The following HSPG2 variants were observed in gnomAD, a reference collection of about 807,000 sequenced individuals.
The protein encoded by HSPG2 is heparan sulfate proteoglycan 2.
A neutral mutation model predicts 526.6 loss-of-function variants in HSPG2; 278 were observed. The ratio of observed to expected loss-of-function variants is 0.53; its 90% confidence interval spans 0.48 to 0.58. The LOEUF (loss-of-function observed/expected upper bound fraction) is 0.58, where lower values mean the gene tolerates loss of function less well. HSPG2 is among the 20% of genes least tolerant of loss of function. The pLI, the probability that HSPG2 is intolerant of heterozygous loss-of-function variation, is 0.00. For synonymous variants in HSPG2, 2,465 were observed against 2,555.4 expected (o/e 0.96, Z 1.07); for missense variants, 5,354 against 6,099.5 (o/e 0.88, Z 4.07).
chr1:21,839,115 G>C lies in HSPG2; in HGVS notation c.9890-30C>G, dbSNP rs150315697. The C allele has an allele frequency of 4.9e-4, 770 of 1,561,316 alleles. 4 individuals are homozygous for C. The African/African-American group carries it at 8.9e-3, about 18-fold the overall frequency. On this transcript the variant is annotated intron_variant, in intron 73 of 96. Transcript: ENST00000374695. This position sits in a 1 kb window ranked among gnomAD's most constrained non-coding sequence, Gnocchi z 4.5. ...GTGGGGGGACACAGAGGTCAGGATTGGGGAGGGCAAAGGTCAGAATGGCAG... is the reference window on the plus strand; with the variant it reads ...GTGGGGGGACACAGAGGTCAGGATTCGGGAGGGCAAAGGTCAGAATGGCAG...
chr1:21,868,871 C>T (rs1640437814), intron 33 of HSPG2: 1 of 936,616 alleles, frequency 1.1e-6, no homozygotes, highest in Non-Finnish European at 1.3e-6. Flanking sequence ...ATAATCCCCC[C>T]AAATCCTTGT....
intron 33 of HSPG2, chr1:21,869,719 C>T (rs959608804): frequency 4.0e-5 from 39 of 985,962 alleles, no homozygotes; most frequent in African/African-American, 8.7e-5. Context: ...ACAGAAAGGA[C>T]GTCCGTGAGG....
chr1:21,830,279 A>T (rs937746615), intron 85 of HSPG2, 188 bp from the exon 86 acceptor site: 5 of 612,598 alleles, frequency 8.2e-6, no homozygotes, highest in Admixed American at 2.7e-5. Context: ...CACAGGGAGG[A>T]CTGCAGGGGA....
In HSPG2 at chr1:21,885,214, G is replaced by T. The variant is rs1181864103; in HGVS notation, c.1211-57C>A. Reference sequence around the variant, plus strand: ...GGGGCAAAGGAAGGAGGAGCGGAAGGAGGGCTCCGAGGGGCTAGGAGGGAG... The same window carrying T: ...GGGGCAAAGGAAGGAGGAGCGGAAGTAGGGCTCCGAGGGGCTAGGAGGGAG... On this transcript the variant is annotated intron_variant, in intron 10 of 96. Transcript: ENST00000374695. The T allele has an allele frequency of 1.9e-6, 3 of 1,597,940 alleles. No individual in the cohort carries two copies. The East Asian group carries it at 6.7e-5, about 36-fold the overall frequency.
At position 21,878,482 on chromosome 1, in the gene HSPG2, G is replaced by T; in HGVS notation, c.2568C>A (p.Pro856=). The T allele has an allele frequency of 6.2e-7, 1 of 1,611,802 alleles. No homozygotes were observed. Among genetic ancestry groups the T allele is most frequent in the Non-Finnish European group, 8.5e-7 (1 of 1,178,676 alleles). Residue 856 remains proline (P), a synonymous_variant, in exon 20 of 97, where the codon CCC becomes CCA. Coordinates refer to ENST00000374695, the MANE Select transcript of HSPG2 (RefSeq NM_005529.7). ...GCTGGATGGGGTTGCCCTCGTATCC[G>T]GGGGCACAGCTAGGGGAGAGAGGGG... The part of the protein sequence containing the change: ...YTGRRCESCA[P]GYEGNPIQPG...
Position 21,854,352 on chromosome 1 carries a change from G to A in HSPG2, c.6289-9C>T, listed in dbSNP as rs1196207478. On this transcript the variant is annotated splice_polypyrimidine_tract_variant and intron_variant, in intron 49 of 96. Transcript: ENST00000374695. Reference sequence around the variant, plus strand: ...AGACGGGAGCCGTGCACCTGGGCCAGGAGGAGCCAGAGGTACGTGAGGACA... The same window carrying A: ...AGACGGGAGCCGTGCACCTGGGCCAAGAGGAGCCAGAGGTACGTGAGGACA... The A allele has an allele frequency of 1.0e-5, 16 of 1,563,530 alleles. No homozygotes were observed. The highest frequency in any genetic ancestry group is 1.4e-5 in the Non-Finnish European group (16 of 1,153,598).
intron 33 of HSPG2, among the ~76,000 whole-genome samples, chr1:21,868,188 G>A (rs1238107608): frequency 2.7e-5 from 4 of 150,824 alleles, no homozygotes; most frequent in African/African-American, 4.9e-5. Context: ...ACAGGCACCC[G>A]CCACCACGCC....
In HSPG2 at chr1:21,850,054, G is replaced by A. The variant is rs377464593; in HGVS notation, c.7433C>T (p.Pro2478Leu). 32 of 1,613,190 alleles carry A rather than the reference G, an allele frequency of 2.0e-5. No homozygotes were observed. In the African/African-American group the frequency reaches 2.7e-4, roughly 13 times the overall value. ...VTWHKRGGSL[P>L]ARHQVHGSRL... Reference sequence around the variant, plus strand: ...CCTGCCTCCTACCTGGTGCCGGGCCGGGAGGCTGCCCCCGCGCTTGTGCCA... The same window carrying A: ...CCTGCCTCCTACCTGGTGCCGGGCCAGGAGGCTGCCCCCGCGCTTGTGCCA... Residue 2478 changes from proline (P) to leucine (L), a missense_variant, in exon 57 of 97, where the codon CCG (proline) becomes CTG (leucine). Pro to Leu is a moderately conservative substitution (Grantham distance 98, BLOSUM62 -3). Coordinates refer to ENST00000374695, the MANE Select transcript of HSPG2 (RefSeq NM_005529.7).
Position 21,838,975 on chromosome 1 carries a change from G to C in HSPG2, c.10000C>G (p.Arg3334Gly). The C allele has an allele frequency of 6.2e-7, 1 of 1,612,654 alleles. No individual in the cohort carries two copies. The highest frequency in any genetic ancestry group is 1.7e-5 in the Admixed American group (1 of 60,002). Residue 3334 changes from arginine (R) to glycine (G), a missense_variant, in exon 74 of 97, where the codon CGC becomes GGC. Coordinates refer to ENST00000374695, the MANE Select transcript of HSPG2 (RefSeq NM_005529.7). ...CTCCCAGGAAGGCTGCTGCCCACGCGGCTCCACTGGAAGGTGAGTGGGGGT... is the reference window on the plus strand; with the variant it reads ...CTCCCAGGAAGGCTGCTGCCCACGCCGCTCCACTGGAAGGTGAGTGGGGGT... Reference protein sequence around the residue: ...GTPPLTFQWSRVGSSLPGRAT... With the variant: ...GTPPLTFQWSGVGSSLPGRAT...
chr1:21,851,368 G>A (rs1448244042), intron 55 of HSPG2, 178 bp downstream of exon 55: 9 of 819,952 alleles, frequency 1.1e-5, no homozygotes, highest in Non-Finnish European at 1.7e-5. Flanking sequence ...GGTGGAGCCA[G>A]AATTCACACC....
intron 75 of HSPG2, among the ~76,000 whole-genome samples, chr1:21,836,367 G>A (rs2152699114): frequency 6.6e-6 from 1 of 152,298 alleles, no homozygotes; most frequent in South Asian, 2.1e-4. Flanking sequence ...TGTCACCCAG[G>A]TTGGAGTGCA....
At chr1:21,931,517 C>T (rs995379713) in intron 1 of HSPG2, among the ~76,000 whole-genome samples, 1 of 152,144 alleles carries the variant, frequency 6.6e-6, no homozygotes, top group African/African-American at 2.4e-5. Flanking sequence ...AGAGGTAGGC[C>T]CAGCAGATAC....
chr1:21,872,581 T>C lies in HSPG2; in HGVS notation c.4029+39A>G, dbSNP rs776998045. On this transcript the variant is annotated intron_variant, in intron 32 of 96. Coordinates refer to ENST00000374695, the MANE Select transcript of HSPG2 (RefSeq NM_005529.7). The surrounding 1 kb of genome is among the most constrained non-coding windows in gnomAD (Gnocchi z 5.5). The stretch of plus-strand genomic sequence containing the variant: ...CAGATGGACAGTAACAGGCAGCAGG[T>C]GGCAACACCGCCTGGGGCTGGGCAG... The C allele has an allele frequency of 6.4e-7, 1 of 1,561,144 alleles. No individual in the cohort carries two copies. Among genetic ancestry groups the C allele is most frequent in the Non-Finnish European group, 8.7e-7 (1 of 1,153,134 alleles).
In HSPG2 at chr1:21,884,525, C is replaced by A; in HGVS notation, c.1654+3G>T. On this transcript the variant is annotated splice_donor_region_variant and intron_variant, in intron 13 of 96. Coordinates refer to ENST00000374695, the MANE Select transcript of HSPG2 (RefSeq NM_005529.7). ...CGCAGCGCTCACCCGCCCGCCAACG[C>A]ACCCTTGAAGTCATCGGGTTGGTCA... 6.2e-7 allele frequency: 1 copy of A among 1,611,138 alleles called. No individual in the cohort carries two copies. Among genetic ancestry groups the A allele is most frequent in the Non-Finnish European group, 8.5e-7 (1 of 1,179,886 alleles).
chr1:21,824,350 C>T lies in HSPG2; in HGVS notation c.12771G>A (p.Lys4257=). ...GVEVGEAGQG[K]DFISLGLQDG... ...CTTGAAGCCCGAGGCTGATGAAGTC[C>T]TTGCCTTGGCCGGCCTCTCCCACCT... is the stretch of plus-strand genomic sequence containing the variant. Residue 4257 remains lysine, a synonymous_variant, in exon 94 of 97, where the codon AAG becomes AAA. Coordinates refer to ENST00000374695, the MANE Select transcript of HSPG2 (RefSeq NM_005529.7). The surrounding 1 kb of genome is among the most constrained non-coding windows in gnomAD (Gnocchi z 5.9). The T allele has an allele frequency of 1.2e-6, 2 of 1,613,868 alleles. No homozygotes were observed. The highest frequency in any genetic ancestry group is 1.7e-6 in the Non-Finnish European group (2 of 1,180,026).
At chr1:21,863,060 CAAAAAAAAAAAAAAAA>C (rs60890297) in intron 37 of HSPG2, among the ~76,000 whole-genome samples, 391 of 31,258 alleles carry the variant, frequency 0.013, 22 homozygotes, top group African/African-American at 0.056. Context: ...GACTCCATCT[CAAAAAAAAAAAAAAAA>C]AAAAAAAAAA....
In HSPG2 at chr1:21,876,325, G is replaced by A; in HGVS notation, c.2907C>T (p.Phe969=). The A allele has an allele frequency of 1.9e-6, 3 of 1,614,056 alleles. No homozygotes were observed. The highest frequency in any genetic ancestry group is 2.5e-6 in the Non-Finnish European group (3 of 1,180,006). ...ATCCCAGTTCCCCGGGCGTGGGGGA[G>A]AAGATGCCCTCGTTGGTGGTGTGGG... ...ASTHTTNEGI[F]SPTPGELGFS... is the part of the protein sequence containing the mutation. Residue 969 remains phenylalanine (F), a synonymous_variant, in exon 23 of 97, where the codon TTC becomes TTT. Coordinates refer to ENST00000374695, the MANE Select transcript of HSPG2 (RefSeq NM_005529.7).
chr1:21,825,807 A>T (rs2097971479), intron 91 of HSPG2, among the ~76,000 whole-genome samples: 2 of 152,204 alleles, frequency 1.3e-5, no homozygotes, highest in Admixed American at 1.3e-4. Flanking sequence ...TATTTTTGAG[A>T]TGGAGTCTCG....
intron 1 of HSPG2, among the ~76,000 whole-genome samples, chr1:21,905,889 T>C (rs1482987092): frequency 6.6e-6 from 1 of 152,258 alleles, no homozygotes; most frequent in East Asian, 1.9e-4. Flanking sequence ...TGCACACCTG[T>C]AGTCCCAGCT....
Sources: gnomAD v4.1 joint callset for allele counts (sites outside exome capture counted in the v4.1 genomes callset) on GRCh38, gnomAD v4.1.1 for gene constraint, Gnocchi (gnomAD v3.1) non-coding constraint, MANE v1.5 for transcripts, NCBI Gene and HGNC (gene_info 2026-07-23, HGNC 2026-07-21) for gene names.